Variants in SGMS1 observed in about 807,000 individuals in gnomAD.
SGMS1 encodes sphingomyelin synthase 1.
SGMS1 carries 13 observed loss-of-function variants against 46.2 expected under a neutral mutation model. The ratio of observed to expected loss-of-function variants is 0.28; its 90% CI spans 0.18 to 0.45. The LOEUF (loss-of-function observed/expected upper bound fraction) is 0.45, where lower values mean the gene tolerates loss of function less well. SGMS1 is among the 20% of genes least tolerant of loss of function. The probability of loss-of-function intolerance (pLI) is 1.00; values close to 1 mark genes in which losing one functional copy is unlikely to be tolerated. For synonymous variants in SGMS1, 203 were observed against 187.8 expected (o/e 1.08, Z -0.66); for missense variants, 324 against 519.9 (o/e 0.62, Z 3.66).
chr10:50,465,559 T>C (rs1837318879), intron 4 of SGMS1, among the ~76,000 whole-genome samples: 1 of 152,058 alleles, frequency 6.6e-6, no homozygotes, highest in Non-Finnish European at 1.5e-5. Flanking sequence ...AAAATTCAAT[T>C]GATACTAAGA....
intron 2 of SGMS1, among the ~76,000 whole-genome samples, chr10:50,528,320 A>AC (rs1422095853): frequency 6.6e-6 from 1 of 152,180 alleles, no homozygotes; most frequent in African/African-American, 2.4e-5. Flanking sequence ...CAGTCCTGTA[A>AC]CAGGTACAAC....
intron 3 of SGMS1, among the ~76,000 whole-genome samples, chr10:50,477,444 T>C (rs1837437524): frequency 6.6e-6 from 1 of 152,258 alleles, no homozygotes; most frequent in South Asian, 2.1e-4. Flanking sequence ...GGACTTGCCT[T>C]GTCTCAGATG....
chr10:50,575,729 A>G (rs1838378744), intron 2 of SGMS1, among the ~76,000 whole-genome samples: 1 of 152,134 alleles, frequency 6.6e-6, no homozygotes, highest in Admixed American at 6.5e-5. Flanking sequence ...ATCAAATTGT[A>G]TACATTAATT....
chr10:50,330,403 G>A (rs1564876690), intron 7 of SGMS1, among the ~76,000 whole-genome samples: 6 of 152,226 alleles, frequency 3.9e-5, no homozygotes, highest in Admixed American at 1.3e-4. Flanking sequence ...GAGGATCGCC[G>A]GAGCCTGGGA....
intron 6 of SGMS1, among the ~76,000 whole-genome samples, chr10:50,419,351 T>C (rs1849224280): frequency 6.6e-6 from 1 of 152,222 alleles, no homozygotes; most frequent in African/African-American, 2.4e-5. Context: ...ATGTTAAATA[T>C]CTAAAGAATT....
At chr10:50,345,200 C>T (rs1273014270) in intron 6 of SGMS1, among the ~76,000 whole-genome samples, 1 of 151,786 alleles carries the variant, frequency 6.6e-6, no homozygotes, top group Non-Finnish European at 1.5e-5. Flanking sequence ...CTACAAATGC[C>T]GCTGCTTGGG....
chr10:50,544,520 T>C (rs9299582), intron 2 of SGMS1, among the ~76,000 whole-genome samples: 45,428 of 152,206 alleles, frequency 0.3, 7,759 homozygotes, highest in East Asian at 0.64. Context: ...AGAGTTTTTT[T>C]GATCACATTC....
At chr10:50,469,706 C>T (rs1237162758) in intron 3 of SGMS1, among the ~76,000 whole-genome samples, 2 of 152,098 alleles carry the variant, frequency 1.3e-5, no homozygotes, top group African/African-American at 4.8e-5. Flanking sequence ...GAATAAGGTA[C>T]TCTTCCCCTA....
At chr10:50,554,665 G>A (rs1033945296) in intron 2 of SGMS1, among the ~76,000 whole-genome samples, 2 of 151,962 alleles carry the variant, frequency 1.3e-5, no homozygotes, top group East Asian at 3.9e-4. Flanking sequence ...CATCTAAAAT[G>A]ATTGGCTTTC....
intron 3 of SGMS1, among the ~76,000 whole-genome samples, chr10:50,498,763 C>T (rs1229795177): frequency 6.6e-6 from 1 of 152,162 alleles, no homozygotes; most frequent in Non-Finnish European, 1.5e-5. Context: ...AATAATGCTG[C>T]TATAAACCGG....
intron 1 of SGMS1, among the ~76,000 whole-genome samples, chr10:50,620,308 T>C (rs1441931726): frequency 6.6e-6 from 1 of 152,250 alleles, no homozygotes; most frequent in Non-Finnish European, 1.5e-5. Flanking sequence ...TAGCCATTTA[T>C]ATTCCTGACC....
At chr10:50,576,363 C>G (rs908343583) in intron 2 of SGMS1, among the ~76,000 whole-genome samples, 1 of 152,210 alleles carries the variant, frequency 6.6e-6, no homozygotes, top group African/African-American at 2.4e-5. Context: ...ACCTCTGAAG[C>G]CCCTGATCGA....
chr10:50,571,031 ATAAGC>A (rs1838332516), intron 2 of SGMS1, among the ~76,000 whole-genome samples: 1 of 152,252 alleles, frequency 6.6e-6, no homozygotes, highest in Non-Finnish European at 1.5e-5. Context: ...ATCCTTCTGG[ATAAGC>A]TAACTGCCAA....
At chr10:50,417,785 C>T (rs1010171326) in intron 6 of SGMS1, among the ~76,000 whole-genome samples, 3 of 152,210 alleles carry the variant, frequency 2.0e-5, no homozygotes, top group Non-Finnish European at 4.4e-5. Context: ...ACCCCCTACC[C>T]TTGGTTCTCA....
At chr10:50,335,592 A>G (rs1206681835) in intron 7 of SGMS1, 4 of 152,216 alleles carry the variant, frequency 2.6e-5, no homozygotes, top group Non-Finnish European at 5.9e-5. Flanking sequence ...ATGCTTCACC[A>G]CCACAGTCAT....
In SGMS1 at chr10:50,423,852, G is replaced by A. The variant is rs552831575; in HGVS notation, c.-232+9624C>T. On this transcript the variant is annotated intron_variant, in intron 6 of 10. Coordinates refer to ENST00000361781, the MANE Select transcript of SGMS1 (RefSeq NM_147156.4). Reference sequence around the variant, plus strand: ...CTCCATTCATGACATTGTTCCTAAAGGAAAATGTATTTGAAATTCCATTTA... The same window carrying A: ...CTCCATTCATGACATTGTTCCTAAAAGAAAATGTATTTGAAATTCCATTTA... Among the ~76,000 whole-genome samples the A allele has an allele frequency of 1.7e-4, 26 of 152,248 alleles. No individual in the cohort carries two copies. In the East Asian group the frequency reaches 3.3e-3, roughly 19 times the overall value.
chr10:50,620,407 A>AT (rs1378864871), intron 1 of SGMS1, among the ~76,000 whole-genome samples: 1 of 152,252 alleles, frequency 6.6e-6, no homozygotes, highest in African/African-American at 2.4e-5. Context: ...TATAGCTACC[A>AT]TCCAAAAAAG....
chr10:50,539,399 G>T (rs1273187478), intron 2 of SGMS1, among the ~76,000 whole-genome samples: 12 of 152,166 alleles, frequency 7.9e-5, no homozygotes, highest in Admixed American at 7.2e-4. Context: ...TATAGTGTTG[G>T]CATTGATATG....
rs182679744 is a variant in SGMS1, at chr10:50,402,167, C to G, written c.-232+31309G>C. Among the ~76,000 whole-genome samples the G allele has an allele frequency of 7.2e-4, 109 of 152,324 alleles. 3 individuals carry two copies. Among genetic ancestry groups the G allele is most frequent in the Admixed American group, 6.1e-3 (94 of 15,304 alleles). The stretch of plus-strand genomic sequence containing the variant: ...ATCCATCAATTACTGCATCAGTCCG[C>G]ATTGAAATGGATGCGTAATAAGCAT... On this transcript the variant is annotated intron_variant, in intron 6 of 10. Transcript: ENST00000361781.
Sources: allele counts gnomAD v4.1 joint callset (sites outside exome capture counted in the v4.1 genomes callset), GRCh38; gene constraint gnomAD v4.1.1; transcripts MANE v1.5; gene names NCBI Gene and HGNC (gene_info 2026-07-23, HGNC 2026-07-21).